SPECC1: variants seen among roughly 807,000 people sequenced by gnomAD.
SPECC1 encodes the protein sperm antigen with calponin homology and coiled-coil domains 1, also known as cytospin-B.
In SPECC1, 62 loss-of-function variants were observed where a neutral mutation model predicts 104.1. The ratio of observed to expected loss-of-function variants is 0.60; its 90% CI spans 0.49 to 0.74. The LOEUF (loss-of-function observed/expected upper bound fraction) is 0.74. Ranked by LOEUF, SPECC1 falls within the 30% of genes least tolerant of loss-of-function variation. The pLI, the probability that SPECC1 is intolerant of heterozygous loss-of-function variation, is 0.00. For missense variants in SPECC1, 1,306 were observed against 1,310.5 expected, an observed-to-expected ratio of 1.00 and a Z score of 0.05; for synonymous variants, 513 against 501.6, an observed-to-expected ratio of 1.02 and a Z score of -0.30.
chr17:20,166,255 A>G (rs2151156256), intron 3 of SPECC1, among the ~76,000 whole-genome samples: 1 of 152,358 alleles, frequency 6.6e-6, no homozygotes, highest in African/African-American at 2.4e-5. Flanking sequence ...AACACATGGA[A>G]AAACTCACAA....
chr17:20,209,263 A>G (rs2036980944), intron 4 of SPECC1, among the ~76,000 whole-genome samples: 1 of 152,182 alleles, frequency 6.6e-6, no homozygotes, highest in Admixed American at 6.5e-5. Flanking sequence ...CGTGTACCCC[A>G]TGAGCAGTGC....
intron 1 of SPECC1, among the ~76,000 whole-genome samples, chr17:20,019,307 G>A (rs1376885476): frequency 6.6e-6 from 1 of 151,376 alleles, no homozygotes; most frequent in Admixed American, 6.6e-5. Flanking sequence ...ACTCTTTTCT[G>A]TAAGATTTTC....
At chr17:20,183,733 C>T (rs777653875) in intron 3 of SPECC1, among the ~76,000 whole-genome samples, 1 of 152,090 alleles carries the variant, frequency 6.6e-6, no homozygotes, top group Non-Finnish European at 1.5e-5. Flanking sequence ...GGAATAATGA[C>T]AAGAAAAACA....
intron 4 of SPECC1, among the ~76,000 whole-genome samples, chr17:20,220,185 T>C (rs961148280): frequency 6.6e-6 from 1 of 152,088 alleles, no homozygotes; most frequent in Non-Finnish European, 1.5e-5. Context: ...ATATGACTTT[T>C]AGGATTTAAA....
intron 3 of SPECC1, among the ~76,000 whole-genome samples, chr17:20,187,658 CTT>C (rs1567916551): frequency 3.3e-5 from 5 of 151,936 alleles, no homozygotes; most frequent in Admixed American, 1.3e-4. Context: ...GTCAAAACCT[CTT>C]TTTATTGTTG....
rs58071050 is a variant in SPECC1 at position 20,251,224 on chromosome 17, C to CAAAAAAAAAAAAAAAAAAAA, written c.2599-2264_2599-2263insAAAAAAAAAAAAAAAAAAAA. Among the ~76,000 whole-genome samples the CAAAAAAAAAAAAAAAAAAAA allele has an allele frequency of 7.8e-4, 40 of 51,018 alleles. 6 individuals are homozygous for CAAAAAAAAAAAAAAAAAAAA. The highest frequency in any genetic ancestry group is 1.8e-3 in the African/African-American group (19 of 10,500). 33.5% of individuals were successfully genotyped at this position (51,018 alleles called of 152,430 possible). Reference sequence around the variant, plus strand: ...TGGGCGACAGAGTAAGACTCTATCTCAAAAAAAAAAAAAAAAAGCATATGG... The same window carrying CAAAAAAAAAAAAAAAAAAAA: ...TGGGCGACAGAGTAAGACTCTATCTCAAAAAAAAAAAAAAAAAAAAAAAAAAAAAAAAAAAAAGCATATGG... On this transcript the variant is annotated intron_variant, in intron 9 of 14. Coordinates refer to ENST00000395527, the MANE Select transcript of SPECC1 (RefSeq NM_001243439.2).
chr17:20,010,489 G>A (rs1278047968), intron 1 of SPECC1, among the ~76,000 whole-genome samples: 2 of 152,210 alleles, frequency 1.3e-5, no homozygotes, highest in Non-Finnish European at 2.9e-5. Context: ...GAGGAGCACA[G>A]GCTTGTCAAT....
At chr17:20,156,082 A>T in intron 3 of SPECC1, 1 of 1,328,324 alleles carries the variant, frequency 7.5e-7, no homozygotes, top group Non-Finnish European at 9.6e-7. Context: ...CCTTTCTTTG[A>T]CTGGAGCGGA....
In SPECC1 at chr17:20,232,578, C is replaced by T. The variant is rs538615462; in HGVS notation, c.2351+173C>T. 7.4e-5 allele frequency: 53 copies of T among 714,526 alleles called. No individual in the cohort carries two copies. In the South Asian group the frequency reaches 9.4e-4, roughly 13 times the overall value. 44.3% of individuals were successfully genotyped at this position (714,526 alleles called of 1,614,324 possible). On this transcript the variant is annotated intron_variant, in intron 7 of 14. Coordinates refer to ENST00000395527, the MANE Select transcript of SPECC1 (RefSeq NM_001243439.2). ...AGGAACATTCTGTACAGTACCCAGT[C>T]CCTGCCATGCTGCAGCATAAGAGGC...
chr17:20,143,473 CAG>C (rs1231594785), intron 3 of SPECC1, among the ~76,000 whole-genome samples: 1 of 151,596 alleles, frequency 6.6e-6, no homozygotes, highest in Non-Finnish European at 1.5e-5. Flanking sequence ...CACTTGAGGT[CAG>C]GGGTTTGAAA....
At chr17:20,169,068 T>A (rs1334051093) in intron 3 of SPECC1, among the ~76,000 whole-genome samples, 1 of 152,172 alleles carries the variant, frequency 6.6e-6, no homozygotes, top group Non-Finnish European at 1.5e-5. Context: ...AGACGGGGTT[T>A]CACTATGTTG....
rs184951471 is a variant in SPECC1, at chr17:20,081,706, C to T, written c.-21-14925C>T. ...CTGGGATCTGTCCGGAATGTAGAGCCCACGGGTGCAGCGTTCTGGGCGTCA... is the reference window on the plus strand; with the variant it reads ...CTGGGATCTGTCCGGAATGTAGAGCTCACGGGTGCAGCGTTCTGGGCGTCA... On this transcript the variant is annotated intron_variant, in intron 1 of 14. Coordinates refer to ENST00000395527, the MANE Select transcript of SPECC1 (RefSeq NM_001243439.2). Among the ~76,000 whole-genome samples the T allele has an allele frequency of 6.5e-4, 99 of 152,190 alleles. 1 individual carries two copies. Among genetic ancestry groups the T allele is most frequent in the African/African-American group, 2.0e-3 (83 of 41,518 alleles).
chr17:20,049,505 A>C (rs2045661193), intron 1 of SPECC1, among the ~76,000 whole-genome samples: 1 of 152,126 alleles, frequency 6.6e-6, no homozygotes, highest in South Asian at 2.1e-4. Context: ...ATTACCTGTC[A>C]CATTTTTATT....
chr17:20,287,905 G>A (rs1362702743), intron 12 of SPECC1, among the ~76,000 whole-genome samples: 2 of 151,988 alleles, frequency 1.3e-5, no homozygotes, highest in Non-Finnish European at 2.9e-5. Flanking sequence ...CCATCACCTA[G>A]GTATTAAGCT....
intron 3 of SPECC1, among the ~76,000 whole-genome samples, chr17:20,114,883 A>G (rs1597737988): frequency 6.6e-6 from 1 of 152,200 alleles, no homozygotes; most frequent in East Asian, 1.9e-4. Context: ...TATTATTTTT[A>G]CCAAGACAGA....
At chr17:20,235,493 A>G (rs571094194) in intron 7 of SPECC1, among the ~76,000 whole-genome samples, 1 of 152,322 alleles carries the variant, frequency 6.6e-6, no homozygotes, top group African/African-American at 2.4e-5. Flanking sequence ...GAGTCCTGGG[A>G]CCTGGCAAAA....
intron 14 of SPECC1, among the ~76,000 whole-genome samples, chr17:20,312,661 G>A (rs1000108687): frequency 1.3e-5 from 2 of 152,212 alleles, no homozygotes; most frequent in African/African-American, 4.8e-5. Flanking sequence ...CTCAGTCTGT[G>A]TGCAGTCATG....
At chr17:20,182,112 TC>T (rs1194906339) in intron 3 of SPECC1, among the ~76,000 whole-genome samples, 7 of 56,414 alleles carry the variant, frequency 1.2e-4, no homozygotes, top group East Asian at 3.1e-3. Context: ...TCTTTTTCTT[TC>T]TTTTTCTTTT....
At position 20,096,691 on chromosome 17, in the gene SPECC1, G is replaced by GC. The variant is rs1479046732; in HGVS notation, c.41dup (p.Gly15ArgfsTer22). 2.5e-6 allele frequency: 4 copies of GC among 1,614,072 alleles called. No homozygotes were observed. In the African/African-American group the frequency reaches 5.3e-5, roughly 22 times the overall value. On this transcript the variant is annotated frameshift_variant, in exon 2 of 15. Coordinates refer to ENST00000395527, the MANE Select transcript of SPECC1 (RefSeq NM_001243439.2). LOFTEE classifies it high-confidence loss of function. ...CAAGCCCTGGAACCCAGCCATCAGA[G>GC]CAGGGGGCCACGGCCCAGACCGGGT...
Sources: gnomAD v4.1 joint callset for allele counts (sites outside exome capture counted in the v4.1 genomes callset) on GRCh38, gnomAD v4.1.1 for gene constraint, MANE v1.5 for transcripts, NCBI Gene and HGNC (gene_info 2026-07-23, HGNC 2026-07-21) for gene names.